The following VCPIP1 variants were observed in gnomAD, a reference collection of about 807,000 sequenced individuals.
The protein encoded by VCPIP1 is deubiquitinating protein VCPIP1.
Under a neutral mutation model 85.0 loss-of-function variants are expected in VCPIP1, and 8 were observed. The observed-to-expected ratio is 0.09, with a 90% CI of 0.06 to 0.17. The LOEUF is 0.17. Ranked by LOEUF, VCPIP1 falls within the 10% of genes least tolerant of loss-of-function variation. VCPIP1 has a pLI of 1.00. For missense variants in VCPIP1, 1,070 were observed against 1,486.3 expected, an observed-to-expected ratio of 0.72 and a Z score of 4.61; for synonymous variants, 543 against 544.5, an observed-to-expected ratio of 1.00 and a Z score of 0.04.
Position 66,666,727 on chromosome 8 carries a change from C to T in VCPIP1, c.232G>A (p.Glu78Lys). The change falls in exon 1 of 3, where the codon GAG becomes AAG. Residue 78 changes from glutamate (E) to lysine (K), a missense_variant. This residue lies in a region of VCPIP1 where 164 missense variants were observed against 158.6 expected (regional missense o/e 1.03). Transcript: ENST00000310421. The surrounding 1 kb of genome is among the most constrained non-coding windows in gnomAD (Gnocchi z 6.3). ...IECTECGQRH[E>K]QQQLLGVEEV... Reference sequence around the variant, plus strand: ...TCAACCCCCAGCAGCTGTTGCTGCTCGTGCCGCTGGCCGCACTCGGTACAC... The same window carrying T: ...TCAACCCCCAGCAGCTGTTGCTGCTTGTGCCGCTGGCCGCACTCGGTACAC... The T allele has an allele frequency of 6.2e-7, 1 of 1,614,070 alleles. No homozygotes were observed. The highest frequency in any genetic ancestry group is 8.5e-7 in the Non-Finnish European group (1 of 1,179,970).
intron 1 of VCPIP1, among the ~76,000 whole-genome samples, chr8:66,661,028 C>T (rs1004863020): frequency 6.6e-6 from 1 of 151,792 alleles, no homozygotes; most frequent in Non-Finnish European, 1.5e-5. Context: ...GGCGACACTG[C>T]GAGACTCTGT....
At chr8:66,660,873 C>A (rs6982407) in intron 1 of VCPIP1, among the ~76,000 whole-genome samples, 20,244 of 151,884 alleles carry the variant, frequency 0.13, 3,218 homozygotes, top group African/African-American at 0.38. Flanking sequence ...GAGAAACTCT[C>A]TCTCTATTAA....
chr8:66,654,858 T>C (rs10504393), intron 1 of VCPIP1, among the ~76,000 whole-genome samples: 20,287 of 152,222 alleles, frequency 0.13, 3,223 homozygotes, highest in African/African-American at 0.38. Context: ...GGTTCCCCAA[T>C]GCCGTATGGC....
Position 66,635,012 on chromosome 8 carries a change from T to C in VCPIP1, c.3158A>G (p.Lys1053Arg). Residue 1053 changes from lysine to arginine, a missense_variant, in exon 3 of 3, where the codon AAG becomes AGG. Lys to Arg is a conservative substitution (Grantham distance 26). Transcript: ENST00000310421. ...PRARETSVVR[K>R]HNTGTDFSNS... ...ACTAAAGTCTGTCCCTGTATTATGCTTTCTTACAACTGAAGTTTCCCTAGC... is the reference window on the plus strand; with the variant it reads ...ACTAAAGTCTGTCCCTGTATTATGCCTTCTTACAACTGAAGTTTCCCTAGC... 6.2e-7 allele frequency: 1 copy of C among 1,613,614 alleles called. No individual in the cohort carries two copies. Among genetic ancestry groups the C allele is most frequent in the Non-Finnish European group, 8.5e-7 (1 of 1,179,634 alleles).
intron 1 of VCPIP1, among the ~76,000 whole-genome samples, chr8:66,662,374 T>G (rs1811166156): frequency 6.6e-6 from 1 of 152,226 alleles, no homozygotes; most frequent in African/African-American, 2.4e-5. Context: ...ACCTTTTTCC[T>G]TTGTACAGCA....
rs780871237 is a variant in VCPIP1, at chr8:66,664,914, T to C, written c.2045A>G (p.Gln682Arg). The C allele has an allele frequency of 1.9e-6, 3 of 1,614,240 alleles. No homozygotes were observed. The South Asian group carries it at 3.3e-5, about 18-fold the overall frequency. Residue 682 changes from glutamine (Q) to arginine (R), a missense_variant, in exon 1 of 3, where the codon CAA (glutamine) becomes CGA (arginine). By Grantham distance (43) the Gln-to-Arg change is conservative. Coordinates refer to ENST00000310421, the MANE Select transcript of VCPIP1 (RefSeq NM_025054.5). ...AGTTGGGAGCTGAGACTCTGATTCT[T>C]GTCCTTGAACATCTCCAACTCTTTG... ...HAQRVGDVQG[Q>R]ESESQLPTKI...
At chr8:66,636,538 T>A (rs1487868093) in intron 2 of VCPIP1, among the ~76,000 whole-genome samples, 39 of 151,226 alleles carry the variant, frequency 2.6e-4, no homozygotes, top group Middle Eastern at 3.4e-3. Context: ...AGGTCAGGAG[T>A]TTGAGACCAG....
intron 1 of VCPIP1, among the ~76,000 whole-genome samples, chr8:66,654,692 C>A (rs1021459387): frequency 6.6e-6 from 1 of 152,186 alleles, no homozygotes; most frequent in Non-Finnish European, 1.5e-5. Context: ...AAGTCCTGCA[C>A]CACTCTCCTA....
At chr8:66,641,714 C>A (rs1810949858) in intron 2 of VCPIP1, among the ~76,000 whole-genome samples, 1 of 152,184 alleles carries the variant, frequency 6.6e-6, no homozygotes, top group East Asian at 1.9e-4. Flanking sequence ...TGACTGGCTT[C>A]TTTCACATGG....
In VCPIP1 at chr8:66,665,640, T is replaced by A. The variant is rs1470362665; in HGVS notation, c.1319A>T (p.Tyr440Phe). 4.3e-6 allele frequency: 7 copies of A among 1,614,176 alleles called. No individual in the cohort carries two copies. The highest frequency in any genetic ancestry group is 5.9e-6 in the Non-Finnish European group (7 of 1,180,036). Residue 440 changes from tyrosine to phenylalanine, a missense_variant, in exon 1 of 3, where the codon TAC becomes TTC. Physicochemically the swap from Tyr to Phe is conservative, Grantham distance 22. Coordinates refer to ENST00000310421, the MANE Select transcript of VCPIP1 (RefSeq NM_025054.5). The surrounding 1 kb of genome is among the most constrained non-coding windows in gnomAD (Gnocchi z 4.3). ...AACTCCTATCACTCCAGTCCTTCTGTAGAAATACTGATGGACATCAGCAAC... is the reference window on the plus strand; with the variant it reads ...AACTCCTATCACTCCAGTCCTTCTGAAGAAATACTGATGGACATCAGCAAC... Reference protein sequence around the residue: ...SLVADVHQYFYRRTGVIGVQP... With the variant: ...SLVADVHQYFFRRTGVIGVQP...
chr8:66,663,595 C>G (rs1811178166), intron 1 of VCPIP1, among the ~76,000 whole-genome samples: 1 of 152,054 alleles, frequency 6.6e-6, no homozygotes, highest in South Asian at 2.1e-4. Flanking sequence ...AAAACAAATA[C>G]TTCTTTACAC....
Position 66,667,163 on chromosome 8 carries a change from C to G in VCPIP1, c.-205G>C, listed in dbSNP as rs562877584. Reference sequence around the variant, plus strand: ...TTCTCCACTGCCGTAGCCGTTGCCCCGAACGTAACGGCCACCACCCCACCC... The same window carrying G: ...TTCTCCACTGCCGTAGCCGTTGCCCGGAACGTAACGGCCACCACCCCACCC... On this transcript the variant is annotated 5_prime_UTR_variant, in exon 1 of 3. Transcript: ENST00000310421. 25 of 1,170,416 alleles carry G rather than the reference C, an allele frequency of 2.1e-5. No homozygotes were observed. The highest frequency in any genetic ancestry group is 1.1e-4 in the African/African-American group (7 of 64,938). The allele number at this position is 1,170,416 out of a possible 1,614,324, so 72.5% of individuals were successfully genotyped here. A position where few individuals can be genotyped will look rare whatever the true frequency, so the allele number is the denominator to read the frequency against.
At position 66,664,647 on chromosome 8, in the gene VCPIP1, G is replaced by T. The variant is rs1811189101; in HGVS notation, c.2312C>A (p.Thr771Asn). The T allele has an allele frequency of 1.2e-6, 2 of 1,613,734 alleles. No individual in the cohort carries two copies. The highest frequency in any genetic ancestry group is 1.7e-6 in the Non-Finnish European group (2 of 1,179,806). ...GATTCGGATCTTCTTCTCCTTAGAA[G>T]TTGTCGGTGAATAGGGAGCCTTGGT... Reference protein sequence around the residue: ...TPTKAPYSPTTSKEKKIRITT... With the variant: ...TPTKAPYSPTNSKEKKIRITT... Residue 771 changes from threonine (T) to asparagine (N), a missense_variant, in exon 1 of 3, where the codon ACT (threonine) becomes AAT (asparagine). Around this residue, in one of 8 missense-constraint regions of VCPIP1, gnomAD observed 278 missense variants for 298.5 expected, o/e 0.93. Transcript: ENST00000310421.
intron 2 of VCPIP1, among the ~76,000 whole-genome samples, 161 bp from the exon 3 acceptor site, chr8:66,635,533 C>A (rs904996083): frequency 2.6e-5 from 4 of 152,146 alleles, no homozygotes; most frequent in Admixed American, 6.5e-5. Flanking sequence ...CAAAAAAGAA[C>A]CACCGCCATA....
chr8:66,648,526 A>AATCTATCTATCTATCT (rs60409796), intron 2 of VCPIP1, among the ~76,000 whole-genome samples: 1 of 144,542 alleles, frequency 6.9e-6, no homozygotes, highest in Admixed American at 7.0e-5. Context: ...CTATGTATCT[A>AATCTATCTATCTATCT]ATCTATCTAT....
At chr8:66,652,319 A>G (rs989409294) in intron 1 of VCPIP1, among the ~76,000 whole-genome samples, 3 of 152,194 alleles carry the variant, frequency 2.0e-5, no homozygotes, top group Non-Finnish European at 4.4e-5. Flanking sequence ...TTATTGAAAG[A>G]TATTTTTGGG....
chr8:66,641,315 G>A (rs1250003986), intron 2 of VCPIP1, among the ~76,000 whole-genome samples: 1 of 152,078 alleles, frequency 6.6e-6, no homozygotes, highest in African/African-American at 2.4e-5. Flanking sequence ...TTGAGATATA[G>A]TTCACATACA....
At position 66,639,854 on chromosome 8, in the gene VCPIP1, C is replaced by T. The variant is rs569264905; in HGVS notation, c.2798-4482G>A. On this transcript the variant is annotated intron_variant, in intron 2 of 2. Coordinates refer to ENST00000310421, the MANE Select transcript of VCPIP1 (RefSeq NM_025054.5). ...GCTTGATACGTTTTGATTCTTTGAC[C>T]ACAGGATGATGATGATGATGATAAT... Among the ~76,000 whole-genome samples the T allele has an allele frequency of 5.3e-5, 8 of 151,900 alleles. No homozygotes were observed. The South Asian group carries it at 1.7e-3, about 32-fold the overall frequency.
chr8:66,628,818 G>A lies in VCPIP1; in HGVS notation c.*5683C>T, dbSNP rs1335800177. ...CTATGCCCTCTGCAAGTAAGACTAT[G>A]ACGACAATGGTCGGCAGAACAAAAG... is the stretch of plus-strand genomic sequence containing the variant. On this transcript the variant is annotated 3_prime_UTR_variant, in exon 3 of 3. Transcript: ENST00000310421. 1 of 152,196 alleles carries A rather than the reference G, an allele frequency of 6.6e-6. No homozygotes were observed. The highest frequency in any genetic ancestry group is 2.4e-5 in the African/African-American group (1 of 41,452). The allele number at this position is 152,196 out of a possible 1,614,324, so 9.4% of individuals were successfully genotyped here.
Sources: gnomAD v4.1 joint callset for allele counts (sites outside exome capture counted in the v4.1 genomes callset) on GRCh38, gnomAD v4.1.1 for gene constraint, gnomAD v4.1.1 regional missense constraint, Gnocchi (gnomAD v3.1) non-coding constraint, MANE v1.5 for transcripts, NCBI Gene and HGNC (gene_info 2026-07-23, HGNC 2026-07-21) for gene names.